Variants in SSH2 observed in about 807,000 individuals in gnomAD.
SSH2 encodes the protein protein phosphatase Slingshot homolog 2.
Under a neutral mutation model 135.2 loss-of-function variants are expected in SSH2, and 37 were observed. That is an observed-to-expected ratio of 0.27 (90% confidence interval 0.21 to 0.36). The LOEUF is 0.36. Ranked by LOEUF, SSH2 falls within the 10% of genes least tolerant of loss-of-function variation. The probability of loss-of-function intolerance (pLI) is 1.00; values close to 1 mark genes in which losing one functional copy is unlikely to be tolerated. For missense variants in SSH2, 1,408 were observed against 1,765.3 expected (o/e 0.80, Z 3.63); for synonymous variants, 628 against 646.2 (o/e 0.97, Z 0.43).
chr17:29,639,489 CCCCTGT>C (rs1329979903), intron 14 of SSH2: 15 of 152,176 alleles, frequency 9.9e-5, no homozygotes. Flanking sequence ...CTAATGTGAC[CCCCTGT>C]TTGTTCTCAA....
At chr17:29,786,692 T>C (rs2041972659) in intron 3 of SSH2, among the ~76,000 whole-genome samples, 1 of 152,074 alleles carries the variant, frequency 6.6e-6, no homozygotes, top group Non-Finnish European at 1.5e-5. Flanking sequence ...TGGCTCACAC[T>C]TGTAATCCCA....
chr17:29,788,058 ATTTG>A (rs2042000570), intron 3 of SSH2, among the ~76,000 whole-genome samples: 2 of 152,040 alleles, frequency 1.3e-5, no homozygotes, highest in South Asian at 2.1e-4. Context: ...CTTATTGCTT[ATTTG>A]TTTATCTTCT....
Position 29,636,517 on chromosome 17 carries a change from A to ATCC in SSH2, c.1710_1712dup (p.Glu570dup), listed in dbSNP as rs2035921391. 11 of 1,614,240 alleles carry ATCC rather than the reference A, an allele frequency of 6.8e-6. No individual in the cohort carries two copies. The highest frequency in any genetic ancestry group is 8.5e-6 in the Non-Finnish European group (10 of 1,180,048). On this transcript the variant is annotated inframe_insertion, in exon 15 of 16. Transcript: ENST00000540801. ...CATTGATGTCATTTAAGTTTAATTCATCCTCAATCTGTCCAGCATGAAATT... is the reference window on the plus strand; with the variant it reads ...CATTGATGTCATTTAAGTTTAATTCATCCTCCTCAATCTGTCCAGCATGAAATT...
At chr17:29,899,150 T>C (rs2151456426) in intron 1 of SSH2, among the ~76,000 whole-genome samples, 1 of 152,124 alleles carries the variant, frequency 6.6e-6, no homozygotes, top group South Asian at 2.1e-4. Context: ...GAGCTATCTA[T>C]GACAAACCCA....
rs146553084 is a variant in SSH2, at chr17:29,735,639, G to C, written c.189-32577C>G. The stretch of plus-strand genomic sequence containing the variant: ...TTGAACCTGGGAGGTGGAGGTTGCA[G>C]TGAGTCGAGATCGCGTCACTGCACT... On this transcript the variant is annotated intron_variant, in intron 3 of 15. Coordinates refer to ENST00000540801, the MANE Select transcript of SSH2 (RefSeq NM_001282129.2). Among the ~76,000 whole-genome samples the C allele has an allele frequency of 3.8e-3, 566 of 150,682 alleles. 4 individuals carry two copies. Among genetic ancestry groups the C allele is most frequent in the African/African-American group, 0.013 (527 of 40,936 alleles).
intron 3 of SSH2, among the ~76,000 whole-genome samples, chr17:29,784,242 GGGCGTGGT>G (rs1164067748): frequency 4.6e-5 from 7 of 151,578 alleles, no homozygotes; most frequent in Admixed American, 4.6e-4. Flanking sequence ...AAAATAGGCT[GGGCGTGGT>G]GGCACGCACC....
intron 6 of SSH2, among the ~76,000 whole-genome samples, chr17:29,680,828 G>C (rs932264183): frequency 1.3e-5 from 2 of 152,076 alleles, no homozygotes; most frequent in African/African-American, 4.8e-5. Flanking sequence ...TGCTTAGCCA[G>C]GTTCTTAGCA....
chr17:29,882,390 T>C lies in SSH2; in HGVS notation c.64-33461A>G, dbSNP rs747648256. Among the ~76,000 whole-genome samples, 10 of 152,256 alleles carry C rather than the reference T, an allele frequency of 6.6e-5. No individual in the cohort carries two copies. The South Asian group carries it at 2.1e-3, about 31-fold the overall frequency. ...TAAGATAGTAGCCTGGACTTTTCCC[T>C]GCACCTCATTATATACTCAAGGTAG... On this transcript the variant is annotated intron_variant, in intron 1 of 15. Coordinates refer to ENST00000540801, the MANE Select transcript of SSH2 (RefSeq NM_001282129.2).
At chr17:29,714,546 C>T (rs2039548103) in intron 3 of SSH2, among the ~76,000 whole-genome samples, 1 of 152,048 alleles carries the variant, frequency 6.6e-6, no homozygotes, top group African/African-American at 2.4e-5. Flanking sequence ...TTTTTAACCC[C>T]TTATCTTGTC....
chr17:29,840,765 A>C (rs564211631), intron 2 of SSH2, among the ~76,000 whole-genome samples: 2 of 152,276 alleles, frequency 1.3e-5, no homozygotes, highest in East Asian at 3.9e-4. Context: ...GGCACAGATA[A>C]TGCGCCAGGC....
chr17:29,902,280 T>C (rs959841549), intron 1 of SSH2, among the ~76,000 whole-genome samples: 2 of 152,212 alleles, frequency 1.3e-5, no homozygotes, highest in Non-Finnish European at 2.9e-5. Flanking sequence ...TATAGATGCA[T>C]AAAAGCAGCT....
At chr17:29,775,258 C>A (rs576975422) in intron 3 of SSH2, among the ~76,000 whole-genome samples, 1 of 150,452 alleles carries the variant, frequency 6.6e-6, no homozygotes, top group South Asian at 2.1e-4. Context: ...GGGAGACAAA[C>A]TGGAGTGTGA....
At chr17:29,804,308 G>T (rs1171607963) in intron 2 of SSH2, among the ~76,000 whole-genome samples, 4 of 152,140 alleles carry the variant, frequency 2.6e-5, no homozygotes, top group African/African-American at 4.8e-5. Flanking sequence ...TTTCTCTAGT[G>T]TTTCTTTTAA....
intron 2 of SSH2, among the ~76,000 whole-genome samples, chr17:29,836,729 A>G (rs1568004411): frequency 6.6e-6 from 1 of 152,222 alleles, no homozygotes; most frequent in Non-Finnish European, 1.5e-5. Context: ...AGGAAAAATT[A>G]CTACCGCTTT....
At chr17:29,785,093 AGAG>A (rs974840225) in intron 3 of SSH2, among the ~76,000 whole-genome samples, 5 of 152,308 alleles carry the variant, frequency 3.3e-5, no homozygotes, top group African/African-American at 9.6e-5. Context: ...GAAAGACTAA[AGAG>A]GAAGAAACCA....
At chr17:29,738,801 G>GC (rs2040461762) in intron 3 of SSH2, among the ~76,000 whole-genome samples, 1 of 152,018 alleles carries the variant, frequency 6.6e-6, no homozygotes, top group African/African-American at 2.4e-5. Context: ...TGATCCGCCC[G>GC]CCCCGGCCTC....
chr17:29,793,399 A>C (rs1214501838), intron 3 of SSH2, among the ~76,000 whole-genome samples: 3 of 152,188 alleles, frequency 2.0e-5, no homozygotes, highest in Non-Finnish European at 4.4e-5. Context: ...AATTGCCAAA[A>C]TTTATCAAAT....
Position 29,778,659 on chromosome 17 carries a change from TAAAA to T in SSH2, c.188+15231_188+15234del, listed in dbSNP as rs1333336827. Among the ~76,000 whole-genome samples the T allele has an allele frequency of 3.6e-4, 30 of 84,054 alleles. 1 individual carries two copies. Among genetic ancestry groups the T allele is most frequent in the African/African-American group, 1.2e-3 (30 of 25,320 alleles). The allele number at this position is 84,054 out of a possible 152,430, so 55.1% of individuals were successfully genotyped here. A position where few individuals can be genotyped will look rare whatever the true frequency, so the allele number is the denominator to read the frequency against. On this transcript the variant is annotated intron_variant, in intron 3 of 15. Coordinates refer to ENST00000540801, the MANE Select transcript of SSH2 (RefSeq NM_001282129.2). ...CTGTCTAAAAAAATAAATAAATAAA[TAAAA>T]ATAAATAAATAAATAAATAAAGTAG...
chr17:29,742,792 C>T (rs1165835674), intron 3 of SSH2, among the ~76,000 whole-genome samples: 2 of 150,338 alleles, frequency 1.3e-5, no homozygotes, highest in Non-Finnish European at 3.0e-5. Context: ...GCCCACCATG[C>T]CCAGCTAATT....
Sources: gnomAD v4.1 joint callset for allele counts (sites outside exome capture counted in the v4.1 genomes callset) on GRCh38, gnomAD v4.1.1 for gene constraint, MANE v1.5 for transcripts, NCBI Gene and HGNC (gene_info 2026-07-23, HGNC 2026-07-21) for gene names.